Variants in SLC9A7 observed in about 807,000 individuals in gnomAD.
SLC9A7 encodes sodium/hydrogen exchanger 7.
SLC9A7 carries 19 observed loss-of-function variants against 52.6 expected under a neutral mutation model. The observed-to-expected ratio is 0.36, with a 90% confidence interval of 0.25 to 0.53. The LOEUF (loss-of-function observed/expected upper bound fraction) is 0.53. Among genes scored for constraint, SLC9A7 ranks in the 20% least tolerant of loss-of-function variants. SLC9A7 has a pLI of 0.91. For missense variants in SLC9A7, 455 were observed against 597.9 expected, an observed-to-expected ratio of 0.76 and a Z score of 2.49; for synonymous variants, 226 against 252.1, an observed-to-expected ratio of 0.90 and a Z score of 0.98.
At chrX:46,753,759 G>A (rs184110926) in intron 1 of SLC9A7, among the ~76,000 whole-genome samples, 44 of 110,896 alleles carry the variant, frequency 4.0e-4, no homozygotes, top group Admixed American at 3.7e-3. Flanking sequence ...TGAGGCGGGC[G>A]GATCACAAGG....
chrX:46,741,602 TA>T (rs1216675367), intron 1 of SLC9A7, among the ~76,000 whole-genome samples: 1 of 111,051 alleles, frequency 9.0e-6, no homozygotes, highest in African/African-American at 3.3e-5. Flanking sequence ...CATCTATACA[TA>T]AAAAAACTCA....
chrX:46,754,558 T>TC (rs1391400541), intron 1 of SLC9A7, among the ~76,000 whole-genome samples: 1 of 111,620 alleles, frequency 9.0e-6, no homozygotes, highest in Non-Finnish European at 1.9e-5. Flanking sequence ...GTCATCTTTT[T>TC]CCCCTTCAGA....
chrX:46,623,408 G>C (rs778832840), intron 14 of SLC9A7, among the ~76,000 whole-genome samples: 31 of 111,842 alleles, frequency 2.8e-4, no homozygotes, highest in African/African-American at 9.4e-4. Context: ...GCAACTTCTA[G>C]GGCCTGGAGC....
rs1276391845 is a variant in SLC9A7 at position 46,700,983 on chromosome X, AC to A, written c.326-18449del. On this transcript the variant is annotated intron_variant, in intron 1 of 16. Coordinates refer to ENST00000616978, the MANE Select transcript of SLC9A7 (RefSeq NM_001257291.2). ...TTCCAAAGGAGACTTCTGACATATAACCTCCTGACATGAACTCCACTTTTGT... is the reference window on the plus strand; with the variant it reads ...TTCCAAAGGAGACTTCTGACATATAACTCCTGACATGAACTCCACTTTTGT... 8.1e-5 allele frequency among the ~76,000 whole-genome samples: 9 copies of A among 111,538 alleles called. No homozygotes were observed. In the Admixed American group the frequency reaches 8.6e-4, roughly 11 times the overall value.
intron 14 of SLC9A7, among the ~76,000 whole-genome samples, chrX:46,628,923 G>A (rs1016042455): frequency 1.8e-5 from 2 of 112,706 alleles, no homozygotes; most frequent in African/African-American, 6.5e-5. Context: ...CTAGAATGAG[G>A]AGGTCAGACC....
intron 1 of SLC9A7, among the ~76,000 whole-genome samples, chrX:46,684,453 C>T (rs1315593907): frequency 1.8e-5 from 2 of 112,042 alleles, no homozygotes; most frequent in Non-Finnish European, 3.8e-5. Context: ...GATCCACCCA[C>T]CTCGGCCTCC....
At chrX:46,616,743 A>C (rs185936589) in intron 15 of SLC9A7, among the ~76,000 whole-genome samples, 1 of 111,796 alleles carries the variant, frequency 8.9e-6, no homozygotes, top group Non-Finnish European at 1.9e-5. Flanking sequence ...TTCTAGGTTC[A>C]GACTTCTTTT....
intron 11 of SLC9A7, among the ~76,000 whole-genome samples, chrX:46,647,613 C>T (rs1361177703): frequency 8.9e-6 from 1 of 112,798 alleles, no homozygotes. Flanking sequence ...CCTGCCTCCC[C>T]GCAGCGGACT....
intron 1 of SLC9A7, among the ~76,000 whole-genome samples, chrX:46,714,607 G>A (rs1039343495): frequency 8.9e-6 from 1 of 111,798 alleles, no homozygotes; most frequent in African/African-American, 3.3e-5. Flanking sequence ...TATTTTTTGA[G>A]ATCCCCGACA....
At chrX:46,651,023 A>ATAT (rs1304703900) in intron 10 of SLC9A7, 87 bp downstream of exon 10, 3 of 317,864 alleles carry the variant, frequency 9.4e-6, no homozygotes, top group South Asian at 1.1e-4. Context: ...TTGTTATTTT[A>ATAT]TATTATTATT....
chrX:46,706,510 A>G (rs921836592), intron 1 of SLC9A7, among the ~76,000 whole-genome samples: 1 of 110,829 alleles, frequency 9.0e-6, no homozygotes, highest in Admixed American at 9.5e-5. Context: ...TTAAAGGAGC[A>G]GTTCTAGCAA....
At chrX:46,747,608 T>C (rs1921877522) in intron 1 of SLC9A7, among the ~76,000 whole-genome samples, 1 of 111,853 alleles carries the variant, frequency 8.9e-6, no homozygotes, top group South Asian at 3.7e-4. Flanking sequence ...GCACACAATA[T>C]ATAAATATCT....
At chrX:46,652,887 A>C (rs2146783035) in intron 8 of SLC9A7, among the ~76,000 whole-genome samples, 1 of 112,071 alleles carries the variant, frequency 8.9e-6, no homozygotes, top group South Asian at 3.7e-4. Context: ...ACAATGAAAA[A>C]CCGTGTTCAC....
chrX:46,617,840 A>G (rs1015893963), intron 15 of SLC9A7, among the ~76,000 whole-genome samples: 2 of 111,670 alleles, frequency 1.8e-5, no homozygotes, highest in African/African-American at 6.5e-5. Flanking sequence ...TTTTCTTTAC[A>G]TCCTTTCTGA....
At chrX:46,745,161 C>T in intron 1 of SLC9A7, among the ~76,000 whole-genome samples, 1 of 111,821 alleles carries the variant, frequency 8.9e-6, no homozygotes, top group East Asian at 2.8e-4. Context: ...ATTTTGCTTG[C>T]CCTTGTCCCA....
chrX:46,633,523 C>T (rs1185856915), intron 13 of SLC9A7, among the ~76,000 whole-genome samples: 2 of 109,799 alleles, frequency 1.8e-5, no homozygotes, highest in Non-Finnish European at 3.8e-5. Flanking sequence ...GACACGGGAC[C>T]TTGTGGCTTC....
chrX:46,633,441 G>A, intron 13 of SLC9A7, among the ~76,000 whole-genome samples: 1 of 88,563 alleles, frequency 1.1e-5, no homozygotes, highest in East Asian at 3.8e-4. Flanking sequence ...ATTCAAGGTT[G>A]TTTACTTTAG....
Position 46,599,678 on chromosome X carries a change from A to AAGGT in SLC9A7, c.*7270_*7273dup, listed in dbSNP as rs1286771394. 8.9e-6 allele frequency: 1 copy of AAGGT among 111,815 alleles called. No homozygotes were observed. The highest frequency in any genetic ancestry group is 2.8e-4 in the East Asian group (1 of 3,591). 9.2% of individuals were successfully genotyped at this position (111,815 alleles called of 1,213,427 possible). A position where few individuals can be genotyped will look rare whatever the true frequency, so the allele number is the denominator to read the frequency against. On this transcript the variant is annotated 3_prime_UTR_variant, in exon 17 of 17. Coordinates refer to ENST00000616978, the MANE Select transcript of SLC9A7 (RefSeq NM_001257291.2). Reference sequence around the variant, plus strand: ...ACTGCAGTTTTCCTTATTGCACATAAAGGTTGTGGATAACGCCAAGTCTTT... The same window carrying AAGGT: ...ACTGCAGTTTTCCTTATTGCACATAAAGGTAGGTTGTGGATAACGCCAAGTCTTT...
chrX:46,636,709 T>G lies in SLC9A7; in HGVS notation c.1617-1061A>C, dbSNP rs778465841. 3.5e-3 allele frequency among the ~76,000 whole-genome samples: 384 copies of G among 110,982 alleles called. 1 individual carries two copies. The highest frequency in any genetic ancestry group is 0.012 in the African/African-American group (371 of 30,543). ...CAAAGTGCCACAGCACAGACAGAGATGCATAGCAGATCTGTGATATTCAAA... is the reference window on the plus strand; with the variant it reads ...CAAAGTGCCACAGCACAGACAGAGAGGCATAGCAGATCTGTGATATTCAAA... On this transcript the variant is annotated intron_variant, in intron 12 of 16. Transcript: ENST00000616978.
Sources: allele counts gnomAD v4.1 joint callset (sites outside exome capture counted in the v4.1 genomes callset), GRCh38; gene constraint gnomAD v4.1.1; transcripts MANE v1.5; gene names NCBI Gene and HGNC (gene_info 2026-07-23, HGNC 2026-07-21).